The following KY variants were observed in gnomAD, a reference collection of about 807,000 sequenced individuals.
KY encodes kyphoscoliosis peptidase.
A neutral mutation model predicts 76.1 loss-of-function variants in KY; 43 were observed. The observed-to-expected ratio is 0.57, with a 90% CI of 0.44 to 0.73. The LOEUF is 0.73. Among genes scored for constraint, KY ranks in the 30% least tolerant of loss-of-function variants. The pLI is 0.00. For missense variants in KY, 722 were observed against 828.9 expected, an observed-to-expected ratio of 0.87 and a Z score of 1.58; for synonymous variants, 277 against 326.2, an observed-to-expected ratio of 0.85 and a Z score of 1.63.
intron 9 of KY, among the ~76,000 whole-genome samples, chr3:134,609,152 C>T (rs1480507345): frequency 2.0e-5 from 3 of 152,306 alleles, no homozygotes; most frequent in Admixed American, 6.5e-5. Flanking sequence ...AAAGGCATAG[C>T]CTGTGGACCA....
Position 134,607,425 on chromosome 3 carries a change from A to G in KY, c.1090+1224T>C, listed in dbSNP as rs1959385000. On this transcript the variant is annotated intron_variant, in intron 10 of 10. Transcript: ENST00000423778. ...CCCCAGGGGCTCTGGGCCCACCCAC[A>G]GGCACCCTGTGCTAATAGTCAGTGT... 5 of 985,498 alleles carry G rather than the reference A, an allele frequency of 5.1e-6. No homozygotes were observed. In the South Asian group the frequency reaches 1.9e-4, roughly 37 times the overall value. 61.0% of individuals were successfully genotyped at this position (985,498 alleles called of 1,614,324 possible).
intron 6 of KY, among the ~76,000 whole-genome samples, chr3:134,623,223 G>C (rs1006895907): frequency 2.0e-5 from 3 of 152,160 alleles, no homozygotes; most frequent in Non-Finnish European, 4.4e-5. Context: ...CTGGGTCTCT[G>C]GCCTCCGCTG....
chr3:134,627,348 A>T (rs1963591575), intron 5 of KY, among the ~76,000 whole-genome samples: 2 of 152,314 alleles, frequency 1.3e-5, no homozygotes, highest in Non-Finnish European at 2.9e-5. Context: ...GAAGGGCAAA[A>T]GCAGGATTCC....
At chr3:134,644,492 G>C (rs1428894580) in intron 2 of KY, among the ~76,000 whole-genome samples, 1 of 152,200 alleles carries the variant, frequency 6.6e-6, no homozygotes, top group Non-Finnish European at 1.5e-5. Context: ...TGGGGGGAAG[G>C]CTGGGCAAGG....
intron 3 of KY, chr3:134,641,190 G>A (rs1055366204): frequency 6.6e-6 from 1 of 152,212 alleles, no homozygotes; most frequent in Non-Finnish European, 1.5e-5. Flanking sequence ...TCTCAGTGAG[G>A]CCTTTCTCAC....
At chr3:134,624,174 C>G (rs1963104639) in intron 6 of KY, among the ~76,000 whole-genome samples, 1 of 152,134 alleles carries the variant, frequency 6.6e-6, no homozygotes, top group Non-Finnish European at 1.5e-5. Context: ...GAGCCCCTCT[C>G]CCCCACCTCC....
chr3:134,642,165 C>T (rs1357510980), intron 3 of KY, among the ~76,000 whole-genome samples: 1 of 152,194 alleles, frequency 6.6e-6, no homozygotes, highest in Non-Finnish European at 1.5e-5. Context: ...AGTTGGCTGG[C>T]CTTTCATCAC....
intron 4 of KY, 139 bp downstream of exon 4, chr3:134,629,482 C>A: frequency 1.6e-6 from 1 of 643,726 alleles, no homozygotes; most frequent in Non-Finnish European, 2.8e-6. Flanking sequence ...AGCTGTCATG[C>A]TTCTGCCTTT....
At chr3:134,619,868 C>G (rs1170034980) in intron 7 of KY, 1 of 152,860 alleles carries the variant, frequency 6.5e-6, no homozygotes, top group East Asian at 1.9e-4. Context: ...GACCCTGCCC[C>G]TTTAAGGCAC....
chr3:134,650,865 G>C lies in KY; in HGVS notation c.96C>G (p.Asp32Glu). 1 of 1,611,836 alleles carries C rather than the reference G, an allele frequency of 6.2e-7. No individual in the cohort carries two copies. The highest frequency in any genetic ancestry group is 8.5e-7 in the Non-Finnish European group (1 of 1,178,972). ...KRRAAQGTLSDQQANPSSLLQ... is the reference protein window; with the variant it reads ...KRRAAQGTLSEQQANPSSLLQ... ...GCAGCGAGCTCGGGTTCGCCTGCTG[G>C]TCTGAGAGCGTACCCTGTGCGGCGC... The change falls in exon 1 of 11, where the codon GAC (aspartate) becomes GAG (glutamate). Residue 32 changes from aspartate to glutamate, a missense_variant. This residue lies in a region of KY where 170 missense variants were observed against 148.1 expected (regional missense o/e 1.15). Coordinates refer to ENST00000423778, the MANE Select transcript of KY (RefSeq NM_178554.6).
chr3:134,607,010 T>C, intron 10 of KY: 1 of 984,942 alleles, frequency 1.0e-6, no homozygotes, highest in Non-Finnish European at 1.2e-6. Flanking sequence ...ATCAGATATA[T>C]GGAATCATAT....
chr3:134,622,302 T>TA (rs1962770550), intron 6 of KY, among the ~76,000 whole-genome samples: 2 of 152,276 alleles, frequency 1.3e-5, no homozygotes, highest in Admixed American at 1.3e-4. Context: ...GCCAAAAGGT[T>TA]AAAAAACATC....
chr3:134,629,923 A>G (rs954790349), intron 3 of KY, among the ~76,000 whole-genome samples: 1 of 152,226 alleles, frequency 6.6e-6, no homozygotes, highest in African/African-American at 2.4e-5. Flanking sequence ...CTCCCACTGA[A>G]TGCAATTATA....
intron 6 of KY, among the ~76,000 whole-genome samples, chr3:134,621,390 C>G (rs953245287): frequency 6.6e-6 from 1 of 152,178 alleles, no homozygotes; most frequent in Non-Finnish European, 1.5e-5. Flanking sequence ...TGGAATACAA[C>G]TGAGAGTCCA....
chr3:134,647,426 A>T lies in KY; in HGVS notation c.199+9T>A, dbSNP rs1045614469. 6.2e-7 allele frequency: 1 copy of T among 1,600,372 alleles called. No homozygotes were observed. Among genetic ancestry groups the T allele is most frequent in the South Asian group, 1.1e-5 (1 of 89,796 alleles). On this transcript the variant is annotated intron_variant, in intron 2 of 10. Coordinates refer to ENST00000423778, the MANE Select transcript of KY (RefSeq NM_178554.6). ...AATCCTATAGGTTGAAAGGAAAAAG[A>T]GAATTTACCGTGAAAGTCATTTCCT...
chr3:134,610,805 G>C (rs1416534332), intron 8 of KY: 1 of 157,626 alleles, frequency 6.3e-6, no homozygotes, highest in Non-Finnish European at 1.4e-5. Flanking sequence ...TACATGTAAG[G>C]GGCGAGCACA....
intron 3 of KY, among the ~76,000 whole-genome samples, chr3:134,630,793 A>G (rs1354995125): frequency 6.6e-6 from 1 of 152,184 alleles, no homozygotes; most frequent in African/African-American, 2.4e-5. Flanking sequence ...GGAAAAGATA[A>G]CCAACAGATG....
intron 1 of KY, among the ~76,000 whole-genome samples, chr3:134,648,543 G>A (rs533376844): frequency 6.6e-6 from 1 of 152,342 alleles, no homozygotes; most frequent in East Asian, 1.9e-4. Context: ...TCTGATAGGA[G>A]TTGAGGGCTT....
In KY at chr3:134,628,000, G is replaced by A; in HGVS notation, c.338-182C>T. 8 of 613,990 alleles carry A rather than the reference G, an allele frequency of 1.3e-5. No individual in the cohort carries two copies. The South Asian group carries it at 1.4e-4, about 11-fold the overall frequency. The allele number at this position is 613,990 out of a possible 1,614,324, so 38.0% of individuals were successfully genotyped here. On this transcript the variant is annotated intron_variant, in intron 4 of 10. Coordinates refer to ENST00000423778, the MANE Select transcript of KY (RefSeq NM_178554.6). ...TGCTTGAATTGCCAGGAACTTCCTG[G>A]TGTGGCAGAAGGAAGACTAAGAACC...
Sources: gnomAD v4.1 joint callset for allele counts (sites outside exome capture counted in the v4.1 genomes callset) on GRCh38, gnomAD v4.1.1 for gene constraint, gnomAD v4.1.1 regional missense constraint, MANE v1.5 for transcripts, NCBI Gene and HGNC (gene_info 2026-07-23, HGNC 2026-07-21) for gene names.